Variants in EYS observed in about 807,000 individuals in gnomAD.
The protein encoded by EYS is protein eyes shut homolog.
EYS carries 250 observed loss-of-function variants against 282.1 expected under a neutral mutation model. The observed-to-expected ratio is 0.89, with a 90% CI of 0.80 to 0.98. EYS has a LOEUF of 0.98. Ranked by LOEUF, EYS falls within the 50% of genes least tolerant of loss-of-function variation. The pLI, the probability that EYS is intolerant of heterozygous loss-of-function variation, is 0.00. For synonymous variants in EYS, 1,355 were observed against 1,282.9 expected (o/e 1.06, Z -1.20); for missense variants, 4,016 against 3,709.0 (o/e 1.08, Z -2.15).
In EYS at chr6:64,312,985, A is replaced by G. The variant is rs573971127; in HGVS notation, c.6079-5903T>C. On this transcript the variant is annotated intron_variant, in intron 29 of 42. Transcript: ENST00000503581. ...CAGAATGCCTCTTCTTCTCCAAAGG[A>G]TCACAACTCCTTGCAGCAAGGGAAC... Among the ~76,000 whole-genome samples, 12 of 152,336 alleles carry G rather than the reference A, an allele frequency of 7.9e-5. No individual in the cohort carries two copies. The South Asian group carries it at 2.5e-3, about 32-fold the overall frequency.
chr6:64,375,135 C>T (rs1221555312), intron 29 of EYS, among the ~76,000 whole-genome samples: 1 of 152,122 alleles, frequency 6.6e-6, no homozygotes, highest in African/African-American at 2.4e-5. Context: ...CTTCAGATGT[C>T]CTTATGAAAA....
intron 33 of EYS, among the ~76,000 whole-genome samples, chr6:64,047,397 A>C (rs1003935847): frequency 2.0e-5 from 3 of 152,192 alleles, no homozygotes; most frequent in Non-Finnish European, 4.4e-5. Context: ...AGTGTGACAG[A>C]ATCTACAAAA....
intron 39 of EYS, among the ~76,000 whole-genome samples, chr6:63,787,635 C>T (rs1770399157): frequency 6.6e-6 from 1 of 152,130 alleles, no homozygotes; most frequent in Non-Finnish European, 1.5e-5. Context: ...ACATCTAGTA[C>T]ATATGTAGTA....
chr6:63,814,114 T>A (rs982303555), intron 36 of EYS, among the ~76,000 whole-genome samples: 1 of 152,246 alleles, frequency 6.6e-6, no homozygotes, highest in Non-Finnish European at 1.5e-5. Context: ...TACGTGGTCA[T>A]TGTCTTTGTT....
At chr6:65,376,719 A>T (rs1765380447) in intron 8 of EYS, among the ~76,000 whole-genome samples, 1 of 152,190 alleles carries the variant, frequency 6.6e-6, no homozygotes, top group Non-Finnish European at 1.5e-5. Context: ...CAGGGGTTGC[A>T]GTCCTAGTCT....
rs61648828 is a variant in EYS at position 63,995,092 on chromosome 6, A to C, written c.6834+3983T>G. 1.0e-3 allele frequency among the ~76,000 whole-genome samples: 155 copies of C among 152,184 alleles called. 1 individual carries two copies. Among genetic ancestry groups the C allele is most frequent in the African/African-American group, 3.4e-3 (143 of 41,562 alleles). ...TTAACAGAGTGAAAAGGAAACCTAC[A>C]GAATGGGAGAAAATATTTTCAAACC... On this transcript the variant is annotated intron_variant, in intron 34 of 42. Coordinates refer to ENST00000503581, the MANE Select transcript of EYS (RefSeq NM_001142800.2).
chr6:65,590,374 A>T (rs1765189856), intron 2 of EYS, among the ~76,000 whole-genome samples: 1 of 152,080 alleles, frequency 6.6e-6, no homozygotes, highest in African/African-American at 2.4e-5. Flanking sequence ...ATATTTATAC[A>T]TATTTATGGG....
intron 41 of EYS, among the ~76,000 whole-genome samples, chr6:63,756,247 T>C (rs1452162381): frequency 6.6e-6 from 1 of 152,228 alleles, no homozygotes; most frequent in Admixed American, 6.5e-5. Flanking sequence ...CCATTCAGTA[T>C]GATATTGTCT....
intron 2 of EYS, among the ~76,000 whole-genome samples, chr6:65,573,464 G>C (rs1764550678): frequency 1.3e-5 from 2 of 152,132 alleles, no homozygotes; most frequent in Non-Finnish European, 2.9e-5. Context: ...AGACGCCACT[G>C]TTTACTCTTC....
At chr6:65,016,309 A>G (rs1772048985) in intron 13 of EYS, among the ~76,000 whole-genome samples, 1 of 152,208 alleles carries the variant, frequency 6.6e-6, no homozygotes, top group African/African-American at 2.4e-5. Context: ...CATTATGATA[A>G]ACTTCATATG....
intron 12 of EYS, among the ~76,000 whole-genome samples, chr6:65,269,111 C>T (rs999115281): frequency 6.6e-6 from 1 of 152,110 alleles, no homozygotes; most frequent in Admixed American, 6.6e-5. Context: ...TTGTCAGTAT[C>T]AGCTCTTAAA....
chr6:63,860,700 C>G (rs1186863563), intron 36 of EYS, among the ~76,000 whole-genome samples: 1 of 152,160 alleles, frequency 6.6e-6, no homozygotes, highest in South Asian at 2.1e-4. Context: ...GACCTGAATG[C>G]AATTCTTATC....
intron 19 of EYS, among the ~76,000 whole-genome samples, chr6:64,875,905 T>C (rs907290574): frequency 1.3e-5 from 2 of 152,004 alleles, no homozygotes; most frequent in Non-Finnish European, 2.9e-5. Context: ...TTAATAGACA[T>C]TACTTAATCT....
At chr6:65,635,585 A>T (rs920413410) in intron 2 of EYS, among the ~76,000 whole-genome samples, 5 of 152,196 alleles carry the variant, frequency 3.3e-5, no homozygotes, top group Admixed American at 2.0e-4. Context: ...AAGTACAAGG[A>T]TTACAGGCAC....
intron 22 of EYS, among the ~76,000 whole-genome samples, chr6:64,772,734 T>C (rs543466111): frequency 2.0e-5 from 3 of 151,954 alleles, no homozygotes; most frequent in African/African-American, 4.8e-5. Flanking sequence ...TTAATTTTTA[T>C]CTCCCACAAA....
rs535350399 is a variant in EYS, at chr6:64,520,362, A to T, written c.5644+69861T>A. Among the ~76,000 whole-genome samples the T allele has an allele frequency of 1.1e-3, 166 of 151,902 alleles. 1 individual carries two copies. The highest frequency in any genetic ancestry group is 2.0e-3 in the Non-Finnish European group (137 of 67,822). ...GTAAGACTTTTTTTCTGTCATATTA[A>T]TTGTTTTTCTACTATTACCAACTAT... On this transcript the variant is annotated intron_variant, in intron 26 of 42. Coordinates refer to ENST00000503581, the MANE Select transcript of EYS (RefSeq NM_001142800.2).
chr6:64,109,886 C>A (rs1215778436), intron 31 of EYS, among the ~76,000 whole-genome samples: 1 of 152,012 alleles, frequency 6.6e-6, no homozygotes, highest in Non-Finnish European at 1.5e-5. Context: ...AAGTGTGGGG[C>A]AAGCAATGGG....
intron 1 of EYS, among the ~76,000 whole-genome samples, chr6:65,706,832 T>C (rs1769896716): frequency 6.6e-6 from 1 of 152,164 alleles, no homozygotes; most frequent in Non-Finnish European, 1.5e-5. Flanking sequence ...AAGTACTTCA[T>C]GACTAAATAA....
rs931632335 is a variant in EYS, at chr6:64,551,169, T to C, written c.5644+39054A>G. Among the ~76,000 whole-genome samples the C allele has an allele frequency of 8.7e-5, 13 of 149,704 alleles. No individual in the cohort carries two copies. In the South Asian group the frequency reaches 1.0e-3, roughly 12 times the overall value. ...ATATGTATATACATATATGTGTATATACATATATACACACATATATACATA... is the reference window on the plus strand; with the variant it reads ...ATATGTATATACATATATGTGTATACACATATATACACACATATATACATA... On this transcript the variant is annotated intron_variant, in intron 26 of 42. Transcript: ENST00000503581.
Sources: gnomAD v4.1 joint callset for allele counts (sites outside exome capture counted in the v4.1 genomes callset) on GRCh38, gnomAD v4.1.1 for gene constraint, MANE v1.5 for transcripts, NCBI Gene and HGNC (gene_info 2026-07-23, HGNC 2026-07-21) for gene names.